Variants in CACNA1D observed in about 807,000 individuals in gnomAD.
The protein encoded by CACNA1D is voltage-dependent L-type calcium channel subunit alpha-1D.
In CACNA1D, 55 loss-of-function variants were observed where a neutral mutation model predicts 257.1. That is an observed-to-expected ratio of 0.21 (90% confidence interval 0.17 to 0.27). The LOEUF (loss-of-function observed/expected upper bound fraction) is 0.27. Ranked by LOEUF, CACNA1D falls within the 10% of genes least tolerant of loss-of-function variation. The pLI is 1.00. For synonymous variants in CACNA1D, 980 were observed against 1,014.9 expected, an observed-to-expected ratio of 0.97 and a Z score of 0.65; for missense variants, 1,876 against 2,784.0, an observed-to-expected ratio of 0.67 and a Z score of 7.34.
At chr3:53,548,742 T>C (rs2092467926) in intron 3 of CACNA1D, among the ~76,000 whole-genome samples, 1 of 152,224 alleles carries the variant, frequency 6.6e-6, no homozygotes, top group African/African-American at 2.4e-5. Flanking sequence ...AAGAACAGCA[T>C]CTGCCATGTA....
At chr3:53,714,521 C>G (rs1029367619) in intron 9 of CACNA1D, among the ~76,000 whole-genome samples, 2 of 152,212 alleles carry the variant, frequency 1.3e-5, no homozygotes, top group African/African-American at 4.8e-5. Context: ...TCGTCGGTCA[C>G]TGAGCTGATA....
chr3:53,783,563 G>C (rs2095437216), intron 39 of CACNA1D, among the ~76,000 whole-genome samples: 1 of 152,214 alleles, frequency 6.6e-6, no homozygotes, highest in South Asian at 2.1e-4. Context: ...GGGATGCAAG[G>C]CTTTGCAAGC....
Position 53,702,624 on chromosome 3 carries a change from C to T in CACNA1D, c.1221-17C>T. 2 of 1,613,002 alleles carry T rather than the reference C, an allele frequency of 1.2e-6. No individual in the cohort carries two copies. Among genetic ancestry groups the T allele is most frequent in the Non-Finnish European group, 8.5e-7 (1 of 1,179,910 alleles). On this transcript the variant is annotated splice_polypyrimidine_tract_variant and intron_variant, in intron 8 of 47. Transcript: ENST00000350061. ...AAGGATGTCCTGATATGTGCTTGTC[C>T]TCTTTGCCTCCTTCAGAGAATTCTC...
chr3:53,704,668 C>T (rs989668227), intron 9 of CACNA1D, among the ~76,000 whole-genome samples: 1 of 152,230 alleles, frequency 6.6e-6, no homozygotes, highest in African/African-American at 2.4e-5. Context: ...CTGCACCGCT[C>T]TTTTCCCCTT....
rs1219850076 is a variant in CACNA1D, at chr3:53,810,782, AAAAAC to A, written c.6193-326_6193-322del. ...TCAAAAAAAAAAAAAAAAAAAAAAA[AAAAAC>A]AAAAACTGGTCACCACCGTCAATTC... is the stretch of plus-strand genomic sequence containing the variant. On this transcript the variant is annotated intron_variant, in intron 47 of 47. Transcript: ENST00000350061. Among the ~76,000 whole-genome samples, 55 of 146,418 alleles carry A rather than the reference AAAAAC, an allele frequency of 3.8e-4. 1 individual carries two copies. Among genetic ancestry groups the A allele is most frequent in the African/African-American group, 1.3e-3 (49 of 37,686 alleles).
intron 9 of CACNA1D, among the ~76,000 whole-genome samples, chr3:53,705,863 C>A (rs2094683048): frequency 6.6e-6 from 1 of 152,224 alleles, no homozygotes; most frequent in Admixed American, 6.5e-5. Flanking sequence ...CATTTTCTTC[C>A]TGTCACAGCC....
At chr3:53,759,718 G>C (rs565596898) in intron 29 of CACNA1D, among the ~76,000 whole-genome samples, 1 of 152,358 alleles carries the variant, frequency 6.6e-6, no homozygotes, top group African/African-American at 2.4e-5. Context: ...AGAACTGCTT[G>C]TTATCCATTC....
Position 53,810,012 on chromosome 3 carries a change from C to T in CACNA1D, c.5906C>T (p.Ala1969Val). ...GTTGCCGGCCTAGATTCAAGTAAAG[C>T]CCAGAAGTACTCACCGAGTCACTCG... ...MAVAGLDSSKAQKYSPSHSTR... is the reference protein window; with the variant it reads ...MAVAGLDSSKVQKYSPSHSTR... Residue 1969 changes from alanine (A) to valine (V), a missense_variant, in exon 47 of 48, where the codon GCC becomes GTC. Coordinates refer to ENST00000350061, the MANE Select transcript of CACNA1D (RefSeq NM_001128840.3). 6.2e-7 allele frequency: 1 copy of T among 1,614,054 alleles called. No individual in the cohort carries two copies. The highest frequency in any genetic ancestry group is 1.6e-4 in the Middle Eastern group (1 of 6,062).
At chr3:53,577,119 G>A (rs539383825) in intron 3 of CACNA1D, among the ~76,000 whole-genome samples, 3 of 152,232 alleles carry the variant, frequency 2.0e-5, no homozygotes, top group East Asian at 3.9e-4. Context: ...ATTATCGCTG[G>A]CCCCATTGTT....
intron 3 of CACNA1D, among the ~76,000 whole-genome samples, chr3:53,622,154 G>A (rs1490541185): frequency 6.6e-6 from 1 of 152,054 alleles, no homozygotes; most frequent in African/African-American, 2.4e-5. Context: ...GGGTTCAGGT[G>A]AATCTCCTGC....
At chr3:53,692,455 T>C (rs2094537218) in intron 8 of CACNA1D, among the ~76,000 whole-genome samples, 1 of 152,038 alleles carries the variant, frequency 6.6e-6, no homozygotes, top group Non-Finnish European at 1.5e-5. Context: ...CTTTAGGATG[T>C]CTAGAGTACA....
At position 53,744,809 on chromosome 3, in the gene CACNA1D, C is replaced by T. The variant is rs769579264; in HGVS notation, c.2988C>T (p.Asn996=). The T allele has an allele frequency of 3.1e-6, 5 of 1,604,244 alleles. No homozygotes were observed. Among genetic ancestry groups the T allele is most frequent in the African/African-American group, 1.3e-5 (1 of 74,676 alleles). ...LRVLRPLRAI[N]RAKGLKHVVQ... Reference sequence around the variant, plus strand: ...TCCTGCGTCCCCTCAGGGCCATCAACAGAGCAAAAGGACTTAAGGTTTTGA... The same window carrying T: ...TCCTGCGTCCCCTCAGGGCCATCAATAGAGCAAAAGGACTTAAGGTTTTGA... Residue 996 remains asparagine, a synonymous_variant, in exon 23 of 48, where the codon AAC becomes AAT. Transcript: ENST00000350061.
chr3:53,651,487 G>A (rs1012171413), intron 4 of CACNA1D, among the ~76,000 whole-genome samples: 6 of 143,150 alleles, frequency 4.2e-5, no homozygotes, highest in African/African-American at 1.0e-4. Context: ...AATGAAATAA[G>A]CTAGAAAATG....
At chr3:53,604,256 C>T (rs2093479948) in intron 3 of CACNA1D, among the ~76,000 whole-genome samples, 1 of 152,170 alleles carries the variant, frequency 6.6e-6, no homozygotes, top group African/African-American at 2.4e-5. Flanking sequence ...GTTTTGAATC[C>T]TGGCTTGCCT....
chr3:53,686,887 G>T lies in CACNA1D; in HGVS notation c.1220+13761G>T, dbSNP rs375270843. ...ACAGACATAATTGTCTACATAGAAA[G>T]TCCCAATAATTGAACCAAAAACCTG... On this transcript the variant is annotated intron_variant, in intron 8 of 47. Coordinates refer to ENST00000350061, the MANE Select transcript of CACNA1D (RefSeq NM_001128840.3). Among the ~76,000 whole-genome samples, 158 of 152,120 alleles carry T rather than the reference G, an allele frequency of 1.0e-3. 5 individuals are homozygous for T. The South Asian group carries it at 0.032, about 31-fold the overall frequency.
At chr3:53,510,890 A>G (rs1160656733) in intron 3 of CACNA1D, among the ~76,000 whole-genome samples, 1 of 152,260 alleles carries the variant, frequency 6.6e-6, no homozygotes, top group African/African-American at 2.4e-5. Context: ...AAAAGGCACC[A>G]AAACTTATTC....
In CACNA1D at chr3:53,495,815, G is replaced by A. The variant is rs1416337408; in HGVS notation, c.67+582G>A. Among the ~76,000 whole-genome samples the A allele has an allele frequency of 6.6e-6, 1 of 152,198 alleles. No homozygotes were observed. Among genetic ancestry groups the A allele is most frequent in the African/African-American group, 2.4e-5 (1 of 41,462 alleles). ...CGCTCCCGTCGCCGGCTGTGCACAC[G>A]TCGGTAACCTAGCAATGCCCGGGGA... On this transcript the variant is annotated intron_variant, in intron 1 of 47. Coordinates refer to ENST00000350061, the MANE Select transcript of CACNA1D (RefSeq NM_001128840.3). This position sits in a 1 kb window ranked among gnomAD's most constrained non-coding sequence, Gnocchi z 5.1.
intron 8 of CACNA1D, among the ~76,000 whole-genome samples, chr3:53,677,747 A>G (rs1038128295): frequency 6.6e-6 from 1 of 152,232 alleles, no homozygotes; most frequent in Non-Finnish European, 1.5e-5. Flanking sequence ...GTTTTTTTGC[A>G]CAAATTGAGG....
intron 3 of CACNA1D, among the ~76,000 whole-genome samples, chr3:53,616,610 G>A (rs2093639939): frequency 6.6e-6 from 1 of 152,168 alleles, no homozygotes; most frequent in Admixed American, 6.5e-5. Context: ...GCAGGCCTAG[G>A]AGGAAATGCA....
Sources: gnomAD v4.1 joint callset for allele counts (sites outside exome capture counted in the v4.1 genomes callset) on GRCh38, gnomAD v4.1.1 for gene constraint, Gnocchi (gnomAD v3.1) non-coding constraint, MANE v1.5 for transcripts, NCBI Gene and HGNC (gene_info 2026-07-23, HGNC 2026-07-21) for gene names.